Variants in DYNC1I1 observed in about 807,000 individuals in gnomAD.
DYNC1I1 encodes cytoplasmic dynein 1 intermediate chain 1.
A neutral mutation model predicts 86.6 loss-of-function variants in DYNC1I1; 43 were observed. The ratio of observed to expected loss-of-function variants is 0.50; its 90% CI spans 0.39 to 0.64. The LOEUF is 0.64. Ranked by LOEUF, DYNC1I1 falls within the 30% of genes least tolerant of loss-of-function variation. The pLI, the probability that DYNC1I1 is intolerant of heterozygous loss-of-function variation, is 0.00. For synonymous variants in DYNC1I1, 262 were observed against 283.7 expected (o/e 0.92, Z 0.77); for missense variants, 604 against 788.8 (o/e 0.77, Z 2.81).
chr7:95,827,260 T>G (rs751659086), intron 4 of DYNC1I1, among the ~76,000 whole-genome samples: 2 of 152,178 alleles, frequency 1.3e-5, no homozygotes, highest in African/African-American at 2.4e-5. Context: ...GATAACCTCA[T>G]GCCTGATTCA....
chr7:95,843,588 C>G (rs1462712418), intron 5 of DYNC1I1, among the ~76,000 whole-genome samples: 3 of 152,086 alleles, frequency 2.0e-5, no homozygotes, highest in African/African-American at 7.2e-5. Context: ...GTCTCTATTA[C>G]TCCATTTTGG....
chr7:95,902,595 C>T (rs1017066791), intron 6 of DYNC1I1, among the ~76,000 whole-genome samples: 1 of 152,150 alleles, frequency 6.6e-6, no homozygotes, highest in Non-Finnish European at 1.5e-5. Context: ...TGACAGACAT[C>T]TTGTTTACAT....
At chr7:96,090,012 C>A (rs1312444213) in intron 16 of DYNC1I1, among the ~76,000 whole-genome samples, 1 of 151,706 alleles carries the variant, frequency 6.6e-6, no homozygotes, top group African/African-American at 2.4e-5. Flanking sequence ...TTATGGAAAA[C>A]AAGTTATTCA....
At chr7:95,969,232 A>G (rs76730820) in intron 6 of DYNC1I1, among the ~76,000 whole-genome samples, 1 of 152,206 alleles carries the variant, frequency 6.6e-6, no homozygotes, top group African/African-American at 2.4e-5. Context: ...AATCTTGGAT[A>G]ACAAGGGCCT....
At chr7:95,952,754 A>G (rs1792594209) in intron 6 of DYNC1I1, among the ~76,000 whole-genome samples, 1 of 152,032 alleles carries the variant, frequency 6.6e-6, no homozygotes, top group Non-Finnish European at 1.5e-5. Context: ...AAAAGCTTCA[A>G]TATGTTTTTA....
intron 5 of DYNC1I1, among the ~76,000 whole-genome samples, chr7:95,850,731 C>T (rs925749444): frequency 6.6e-6 from 1 of 152,196 alleles, no homozygotes. Flanking sequence ...TTCACAATTT[C>T]ACAGATAAAC....
chr7:96,037,179 A>G (rs144103646), intron 13 of DYNC1I1, among the ~76,000 whole-genome samples: 2 of 152,192 alleles, frequency 1.3e-5, no homozygotes, highest in African/African-American at 2.4e-5. Flanking sequence ...GTCCCCTCAC[A>G]TGATTCAAAG....
At chr7:95,963,940 A>C (rs2116517278) in intron 6 of DYNC1I1, among the ~76,000 whole-genome samples, 1 of 152,326 alleles carries the variant, frequency 6.6e-6, no homozygotes, top group South Asian at 2.1e-4. Flanking sequence ...TGCTTCCCTT[A>C]AGACTCTCAA....
intron 10 of DYNC1I1, among the ~76,000 whole-genome samples, chr7:96,018,144 G>A: frequency 6.6e-6 from 1 of 152,204 alleles, no homozygotes; most frequent in East Asian, 1.9e-4. Flanking sequence ...AACAGGCAGG[G>A]AGCCCACAAG....
chr7:95,938,628 T>C (rs893750529), intron 6 of DYNC1I1, among the ~76,000 whole-genome samples: 2 of 152,164 alleles, frequency 1.3e-5, no homozygotes, highest in Admixed American at 1.3e-4. Flanking sequence ...ATTTTTCTCA[T>C]CTGTAATATG....
intron 16 of DYNC1I1, among the ~76,000 whole-genome samples, chr7:96,094,497 C>A (rs1288958257): frequency 5.9e-5 from 9 of 152,184 alleles, no homozygotes; most frequent in African/African-American, 1.9e-4. Context: ...ATGCCATTTA[C>A]AGTCATGGAA....
At chr7:95,860,777 G>A (rs926519230) in intron 5 of DYNC1I1, among the ~76,000 whole-genome samples, 1 of 152,060 alleles carries the variant, frequency 6.6e-6, no homozygotes, top group African/African-American at 2.4e-5. Flanking sequence ...TGGCAAAAGG[G>A]GCAAATGCTG....
intron 6 of DYNC1I1, among the ~76,000 whole-genome samples, chr7:95,955,620 C>A (rs1452236395): frequency 3.3e-5 from 5 of 152,096 alleles, no homozygotes; most frequent in Non-Finnish European, 7.4e-5. Context: ...AATAAACTTG[C>A]CCTTCACCAC....
At chr7:96,085,681 T>C (rs1291106330) in intron 16 of DYNC1I1, among the ~76,000 whole-genome samples, 1 of 152,188 alleles carries the variant, frequency 6.6e-6, no homozygotes, top group African/African-American at 2.4e-5. Context: ...TTGGCTATAA[T>C]TTTTACTCTA....
intron 6 of DYNC1I1, among the ~76,000 whole-genome samples, chr7:95,936,333 G>C (rs1433688609): frequency 1.3e-5 from 2 of 151,926 alleles, no homozygotes; most frequent in Non-Finnish European, 2.9e-5. Flanking sequence ...CATTTCCCTG[G>C]ACTTGCATTG....
chr7:95,784,206 C>G (rs914712011), intron 1 of DYNC1I1, among the ~76,000 whole-genome samples: 1 of 152,114 alleles, frequency 6.6e-6, no homozygotes, highest in Non-Finnish European at 1.5e-5. Flanking sequence ...TCTGATAGAT[C>G]TGGTAATTCA....
At chr7:96,067,313 G>A (rs1401208131) in intron 14 of DYNC1I1, among the ~76,000 whole-genome samples, 1 of 151,854 alleles carries the variant, frequency 6.6e-6, no homozygotes, top group East Asian at 1.9e-4. Flanking sequence ...ATGTTCAGGT[G>A]GTGTCTGACT....
At chr7:95,891,547 G>C (rs2116269933) in intron 6 of DYNC1I1, among the ~76,000 whole-genome samples, 1 of 152,316 alleles carries the variant, frequency 6.6e-6, no homozygotes, top group South Asian at 2.1e-4. Flanking sequence ...GTGTCAGGTT[G>C]GTTCACAAAT....
chr7:95,993,542 G>T (rs1426567985), intron 9 of DYNC1I1, among the ~76,000 whole-genome samples: 1 of 152,154 alleles, frequency 6.6e-6, no homozygotes, highest in Non-Finnish European at 1.5e-5. Context: ...TTATCTGGAT[G>T]TTAGTTTCTT....
Sources: gnomAD v4.1 joint callset for allele counts (sites outside exome capture counted in the v4.1 genomes callset) on GRCh38, gnomAD v4.1.1 for gene constraint, MANE v1.5 for transcripts, NCBI Gene and HGNC (gene_info 2026-07-23, HGNC 2026-07-21) for gene names.